The following GOLGA3 variants were observed in gnomAD, a reference collection of about 807,000 sequenced individuals.
The protein encoded by GOLGA3 is golgin subfamily A member 3.
GOLGA3 carries 75 observed loss-of-function variants against 169.4 expected under a neutral mutation model. That is an observed-to-expected ratio of 0.44 (90% CI 0.37 to 0.54). The LOEUF (loss-of-function observed/expected upper bound fraction) is 0.54, where lower values mean the gene tolerates loss of function less well. Ranked by LOEUF, GOLGA3 falls within the 20% of genes least tolerant of loss-of-function variation. The pLI is 0.00. For synonymous variants in GOLGA3, 824 were observed against 822.4 expected (o/e 1.00, Z -0.03); for missense variants, 1,899 against 1,930.0 (o/e 0.98, Z 0.30).
At chr12:132,805,973 C>G (rs919545297) in intron 6 of GOLGA3, among the ~76,000 whole-genome samples, 13 of 152,182 alleles carry the variant, frequency 8.5e-5, no homozygotes, top group African/African-American at 3.1e-4. Flanking sequence ...GCCAGAGCCA[C>G]GGGACACAGC....
intron 15 of GOLGA3, 39 bp downstream of exon 15, chr12:132,786,300 G>A: frequency 7.2e-7 from 1 of 1,390,722 alleles, no homozygotes. Flanking sequence ...GCACTGAGGG[G>A]CTGGTGACCC....
chr12:132,816,500 G>A (rs113953669), intron 3 of GOLGA3, 40 bp downstream of exon 3: 95,599 of 1,595,560 alleles, frequency 0.06, 3,300 homozygotes, highest in Non-Finnish European at 0.072. Context: ...TGAGCGACGC[G>A]GACGTGGAGG....
intron 18 of GOLGA3, among the ~76,000 whole-genome samples, chr12:132,779,853 GCA>G (rs2045468958): frequency 1.0e-4 from 9 of 89,010 alleles, no homozygotes; most frequent in Non-Finnish European, 2.1e-4. Context: ...ACCCCCCCGC[GCA>G]CATACACACA....
intron 13 of GOLGA3, 64 bp from the exon 14 acceptor site, chr12:132,786,851 G>T: frequency 1.7e-6 from 2 of 1,149,238 alleles, no homozygotes; most frequent in Non-Finnish European, 2.6e-6. Flanking sequence ...CCCCTTCCTG[G>T]CTCCAGCCCA....
chr12:132,796,400 G>A (rs943522392), intron 10 of GOLGA3, 139 bp downstream of exon 10: 1 of 1,171,678 alleles, frequency 8.5e-7, no homozygotes, highest in Admixed American at 2.5e-5. Context: ...AGCAGCAGCA[G>A]CGTCTGACCG....
intron 3 of GOLGA3, among the ~76,000 whole-genome samples, chr12:132,814,251 C>A (rs1218667982): frequency 6.6e-6 from 1 of 151,644 alleles, no homozygotes; most frequent in Non-Finnish European, 1.5e-5. Context: ...CTCGAACTCC[C>A]GACCTGAGGT....
chr12:132,782,257 T>G (rs374750245), intron 17 of GOLGA3, 39 bp downstream of exon 17: 3 of 1,543,576 alleles, frequency 1.9e-6, no homozygotes, highest in Non-Finnish European at 2.7e-6. Context: ...CCACCAACTC[T>G]CACACCGTTG....
chr12:132,792,057 A>C (rs982945377), intron 11 of GOLGA3, among the ~76,000 whole-genome samples: 5 of 151,846 alleles, frequency 3.3e-5, no homozygotes, highest in Admixed American at 1.3e-4. Context: ...ACATCTACAC[A>C]GATGTTACAC....
chr12:132,778,284 A>C (rs2045357852), intron 18 of GOLGA3, among the ~76,000 whole-genome samples: 1 of 149,388 alleles, frequency 6.7e-6, no homozygotes, highest in Non-Finnish European at 1.5e-5. Flanking sequence ...CCCAAAAATG[A>C]AATAAATAGG....
chr12:132,786,353 T>A lies in GOLGA3; in HGVS notation c.3109A>T (p.Ser1037Cys). Reference protein sequence around the residue: ...LRAQGGSSDSSLALHERIQAL... With the variant: ...LRAQGGSSDSCLALHERIQAL... ...GTGTTACCTACATGTAGAGCCAGGCTGCTGTCACTGCTGCCACCCTGGGCT... is the reference window on the plus strand; with the variant it reads ...GTGTTACCTACATGTAGAGCCAGGCAGCTGTCACTGCTGCCACCCTGGGCT... Residue 1037 changes from serine to cysteine, a missense_variant, in exon 15 of 24, where the codon AGC becomes TGC. Ser to Cys is a moderately radical substitution (Grantham distance 112). Coordinates refer to ENST00000450791, the MANE Select transcript of GOLGA3 (RefSeq NM_001389683.1). 6.2e-7 allele frequency: 1 copy of A among 1,603,602 alleles called. No homozygotes were observed. Among genetic ancestry groups the A allele is most frequent in the East Asian group, 2.2e-5 (1 of 44,672 alleles).
chr12:132,777,032 C>T lies in GOLGA3; in HGVS notation c.3781G>A (p.Ala1261Thr), dbSNP rs746462906. ...TGCAGGAGCTGGAGCTGTGCCCGGG[C>T]CTCGGCCAGCTCTGCTTGGAACTGT... ...IAQFQAELAE[A>T]RAQLQLLQKQ... Residue 1261 changes from alanine (A) to threonine (T), a missense_variant, in exon 20 of 24, where the codon GCC becomes ACC. Ala to Thr is a moderately conservative substitution (Grantham distance 58, BLOSUM62 0). Coordinates refer to ENST00000450791, the MANE Select transcript of GOLGA3 (RefSeq NM_001389683.1). This position sits in a 1 kb window ranked among gnomAD's most constrained non-coding sequence, Gnocchi z 4.7. 1 of 1,611,712 alleles carries T rather than the reference C, an allele frequency of 6.2e-7. No homozygotes were observed. Among genetic ancestry groups the T allele is most frequent in the Non-Finnish European group, 8.5e-7 (1 of 1,179,102 alleles).
At position 132,784,084 on chromosome 12, in the gene GOLGA3, C is replaced by T. The variant is rs141885720; in HGVS notation, c.3267+80G>A. On this transcript the variant is annotated intron_variant, in intron 16 of 23. Transcript: ENST00000450791. ...GGGCACACGGTGAAGTTTTGTTCTT[C>T]GGGTCTCACGCGTGGCGGCATGTCC... is the stretch of plus-strand genomic sequence containing the variant. The T allele has an allele frequency of 2.0e-4, 320 of 1,587,178 alleles. 2 individuals carry two copies. In the East Asian group the frequency reaches 5.6e-3, roughly 28 times the overall value.
At position 132,804,603 on chromosome 12, in the gene GOLGA3, C is replaced by G. The variant is rs953548513; in HGVS notation, c.1597+113G>C. On this transcript the variant is annotated intron_variant, in intron 7 of 23. Transcript: ENST00000450791. This position sits in a 1 kb window ranked among gnomAD's most constrained non-coding sequence, Gnocchi z 4.1. The stretch of plus-strand genomic sequence containing the variant: ...GACCAGTCGAGGAAGGAGGAGGGAG[C>G]AGCAAGGACCAGTCAGGGAAGGAGG... 1.2e-5 allele frequency: 10 copies of G among 841,286 alleles called. No homozygotes were observed. Among genetic ancestry groups the G allele is most frequent in the Non-Finnish European group, 1.9e-5 (10 of 525,854 alleles). The allele number at this position is 841,286 out of a possible 1,614,324, so 52.1% of individuals were successfully genotyped here.
At chr12:132,828,612 A>C in intron 1 of GOLGA3, 191 bp downstream of exon 1, 1 of 152,272 alleles carries the variant, frequency 6.6e-6, no homozygotes, top group South Asian at 2.0e-4. Context: ...GCCGCAGCTG[A>C]AGGCGGGCGC....
intron 4 of GOLGA3, among the ~76,000 whole-genome samples, chr12:132,810,715 G>A (rs1394195176): frequency 6.6e-6 from 1 of 152,162 alleles, no homozygotes; most frequent in Non-Finnish European, 1.5e-5. Flanking sequence ...AGCAGACCAT[G>A]GTCTAGCGGT....
At position 132,798,245 on chromosome 12, in the gene GOLGA3, TAC is replaced by T. The variant is rs1948964962; in HGVS notation, c.1938+93_1938+94del. 2.5e-6 allele frequency: 3 copies of T among 1,184,190 alleles called. No homozygotes were observed. In the South Asian group the frequency reaches 4.5e-5, roughly 18 times the overall value. The allele number at this position is 1,184,190 out of a possible 1,614,324, so 73.4% of individuals were successfully genotyped here. A position where few individuals can be genotyped will look rare whatever the true frequency, so the allele number is the denominator to read the frequency against. On this transcript the variant is annotated intron_variant, in intron 9 of 23. Coordinates refer to ENST00000450791, the MANE Select transcript of GOLGA3 (RefSeq NM_001389683.1). ...GCCATCCATGAGAATATTTAAGAGA[TAC>T]ACACAGAGAGACGGAACATGTAAGA...
At position 132,808,018 on chromosome 12, in the gene GOLGA3, G is replaced by T; in HGVS notation, c.1051C>A (p.Pro351Thr). 6.2e-7 allele frequency: 1 copy of T among 1,610,816 alleles called. No homozygotes were observed. Among genetic ancestry groups the T allele is most frequent in the Non-Finnish European group, 8.5e-7 (1 of 1,178,370 alleles). Residue 351 changes from proline to threonine, a missense_variant, in exon 5 of 24, where the codon CCT (proline) becomes ACT (threonine). Coordinates refer to ENST00000450791, the MANE Select transcript of GOLGA3 (RefSeq NM_001389683.1). ...TPYMVNGQEI[P>T]ADTLGQFPSI... Reference sequence around the variant, plus strand: ...GGGAACTGGCCCAGGGTATCCGCAGGAATCTCCTGGCCGTTGACCATATAG... The same window carrying T: ...GGGAACTGGCCCAGGGTATCCGCAGTAATCTCCTGGCCGTTGACCATATAG...
At position 132,798,357 on chromosome 12, in the gene GOLGA3, G is replaced by A. The variant is rs1347841079; in HGVS notation, c.1921C>T (p.Gln641Ter). The A allele has an allele frequency of 1.9e-6, 3 of 1,612,536 alleles. No individual in the cohort carries two copies. Among genetic ancestry groups the A allele is most frequent in the East Asian group, 2.2e-5 (1 of 44,864 alleles). The change falls in exon 9 of 24, where the codon CAG becomes TAG. Residue 641 changes from glutamine (Q) to a stop codon, truncating the protein, a stop_gained. Transcript: ENST00000450791. LOFTEE classifies it high-confidence loss of function. ...AGCCTCACCTCAATGCCCTGCAGCT[G>A]TGCCGCGATGCGCCCCTTCTCCTTC... The part of the protein sequence containing the change: ...SMKEKGRIAA[Q>*]LQGIEADMLD...
intron 15 of GOLGA3, 58 bp from the exon 16 acceptor site, chr12:132,784,365 T>C: frequency 6.8e-7 from 1 of 1,465,100 alleles, no homozygotes; most frequent in South Asian, 1.2e-5. Flanking sequence ...CCCCCCTCAC[T>C]TCCTGTGGTG....
Sources: gnomAD v4.1 joint callset for allele counts (sites outside exome capture counted in the v4.1 genomes callset) on GRCh38, gnomAD v4.1.1 for gene constraint, Gnocchi (gnomAD v3.1) non-coding constraint, MANE v1.5 for transcripts, NCBI Gene and HGNC (gene_info 2026-07-23, HGNC 2026-07-21) for gene names.